The following SLC6A14 variants were observed in gnomAD, a reference collection of about 807,000 sequenced individuals.
The protein encoded by SLC6A14 is sodium- and chloride-dependent neutral and basic amino acid transporter B(0+).
In SLC6A14, 21 loss-of-function variants were observed where a neutral mutation model predicts 51.4. The observed-to-expected ratio is 0.41, with a 90% confidence interval of 0.29 to 0.59. SLC6A14 has a LOEUF of 0.59. Ranked by LOEUF, SLC6A14 falls within the 20% of genes least tolerant of loss-of-function variation. SLC6A14 has a pLI of 0.31. For synonymous variants in SLC6A14, 177 were observed against 160.7 expected, an observed-to-expected ratio of 1.10 and a Z score of -0.77; for missense variants, 371 against 472.8, an observed-to-expected ratio of 0.78 and a Z score of 2.00.
rs782152644 is a variant in SLC6A14 at position 116,459,190 on chromosome X, A to C, written c.*235A>C. On this transcript the variant is annotated 3_prime_UTR_variant, in exon 14 of 14. Coordinates refer to ENST00000598581, the MANE Select transcript of SLC6A14 (RefSeq NM_007231.5). ...CTATCTGTATAACACACACACACAC[A>C]CCTAAGAGTCTCTATTTCACAATTA... 22 of 253,928 alleles carry C rather than the reference A, an allele frequency of 8.7e-5. No individual in the cohort carries two copies. Among genetic ancestry groups the C allele is most frequent in the Middle Eastern group, 1.1e-3 (1 of 900 alleles). The allele number at this position is 253,928 out of a possible 1,213,427, so 20.9% of individuals were successfully genotyped here.
At chrX:116,441,503 A>G (rs1927597362) in intron 3 of SLC6A14, among the ~76,000 whole-genome samples, 1 of 112,371 alleles carries the variant, frequency 8.9e-6, no homozygotes, top group African/African-American at 3.2e-5. Flanking sequence ...TGCCTCATTC[A>G]GAAAAGCTGA....
chrX:116,452,793 A>G (rs1556694489), intron 8 of SLC6A14, among the ~76,000 whole-genome samples: 1 of 111,992 alleles, frequency 8.9e-6, no homozygotes. Flanking sequence ...TTTACATTAC[A>G]GTCTATTTGC....
intron 7 of SLC6A14, among the ~76,000 whole-genome samples, chrX:116,449,442 A>G (rs781923510): frequency 5.4e-5 from 6 of 111,709 alleles, no homozygotes; most frequent in Non-Finnish European, 9.4e-5. Flanking sequence ...AAGCTCAGAG[A>G]CCAACATGAG....
At chrX:116,446,050 T>C (rs2312057) in intron 6 of SLC6A14, among the ~76,000 whole-genome samples, 12,826 of 93,551 alleles carry the variant, frequency 0.14, 1,599 homozygotes, top group Non-Finnish European at 0.2. Context: ...TTAATTTTTA[T>C]TGGTCTCTGA....
chrX:116,453,213 G>T (rs1927857235), intron 9 of SLC6A14, 71 bp downstream of exon 9: 1 of 968,889 alleles, frequency 1.0e-6, no homozygotes, highest in Non-Finnish European at 1.4e-6. Context: ...TGAAAACAAG[G>T]TGCTTTTATT....
intron 10 of SLC6A14, 71 bp downstream of exon 10, chrX:116,454,513 C>A: frequency 1.5e-6 from 1 of 647,964 alleles, no homozygotes; most frequent in Non-Finnish European, 2.4e-6. Flanking sequence ...CTAAAGAAAC[C>A]AAAGCTTAAG....
chrX:116,446,653 C>A, intron 6 of SLC6A14, 88 bp from the exon 7 acceptor site: 1 of 698,458 alleles, frequency 1.4e-6, no homozygotes, highest in Non-Finnish European at 2.2e-6. Flanking sequence ...TTTAATTAAT[C>A]TCAACTGGCT....
At chrX:116,450,715 T>A (rs1386709683) in intron 7 of SLC6A14, among the ~76,000 whole-genome samples, 5 of 111,981 alleles carry the variant, frequency 4.5e-5, no homozygotes, top group Non-Finnish European at 7.5e-5. Flanking sequence ...GGTGGTCAGA[T>A]CACCTGAGGT....
At chrX:116,455,208 A>G in intron 11 of SLC6A14, 132 bp downstream of exon 11, 1 of 599,318 alleles carries the variant, frequency 1.7e-6, no homozygotes, top group Non-Finnish European at 2.7e-6. Context: ...ATACTGCACA[A>G]CATTATGTTA....
chrX:116,443,875 T>C (rs1433343981), intron 5 of SLC6A14, 85 bp downstream of exon 5: 36 of 721,335 alleles, frequency 5.0e-5, no homozygotes, highest in African/African-American at 4.6e-4. Context: ...TCTCCTTCCT[T>C]AACTCACATA....
intron 2 of SLC6A14, 66 bp downstream of exon 2, chrX:116,438,021 T>G: frequency 1.1e-6 from 1 of 900,219 alleles, no homozygotes; most frequent in Non-Finnish European, 1.5e-6. Flanking sequence ...TGGTTCTGTA[T>G]GGCTTCTGAG....
At position 116,441,111 on chromosome X, in the gene SLC6A14, C is replaced by A; in HGVS notation, c.346+14C>A. 2 of 1,204,662 alleles carry A rather than the reference C, an allele frequency of 1.7e-6. No individual in the cohort carries two copies. Among genetic ancestry groups the A allele is most frequent in the Non-Finnish European group, 2.2e-6 (2 of 891,099 alleles). On this transcript the variant is annotated intron_variant, in intron 3 of 13. Coordinates refer to ENST00000598581, the MANE Select transcript of SLC6A14 (RefSeq NM_007231.5). Reference sequence around the variant, plus strand: ...CATTGTTTCAAGGTTGGTATTAAAGCGTTTTCTTGGTATTAAAGCATTTTC... The same window carrying A: ...CATTGTTTCAAGGTTGGTATTAAAGAGTTTTCTTGGTATTAAAGCATTTTC...
chrX:116,449,123 A>AT (rs1479797538), intron 7 of SLC6A14, among the ~76,000 whole-genome samples: 1 of 111,333 alleles, frequency 9.0e-6, no homozygotes, highest in Non-Finnish European at 1.9e-5. Context: ...TGCAGAGATT[A>AT]TTTTTCTAAC....
rs1458215794 is a variant in SLC6A14 at position 116,455,177 on chromosome X, A to G, written c.1504+101A>G. 21 of 626,268 alleles carry G rather than the reference A, an allele frequency of 3.4e-5. No individual in the cohort carries two copies. In the East Asian group the frequency reaches 7.2e-4, roughly 21 times the overall value. 51.6% of individuals were successfully genotyped at this position (626,268 alleles called of 1,213,427 possible). ...TAATTATACTATTAATTTTTATACT[A>G]TTATAATAGCAAAGTACAATATACT... On this transcript the variant is annotated intron_variant, in intron 11 of 13. Transcript: ENST00000598581.
intron 6 of SLC6A14, 106 bp from the exon 7 acceptor site, chrX:116,446,635 G>A: frequency 1.7e-6 from 1 of 600,436 alleles, no homozygotes; most frequent in Admixed American, 2.9e-5. Flanking sequence ...GAAATCCCCT[G>A]TACTTTATTT....
At chrX:116,441,142 C>A (rs1927588784) in intron 3 of SLC6A14, 45 bp downstream of exon 3, 1 of 1,175,646 alleles carries the variant, frequency 8.5e-7, no homozygotes, top group Non-Finnish European at 1.1e-6. Flanking sequence ...TTTTCTTCAC[C>A]ATGCTTTTTT....
At chrX:116,455,277 C>A in intron 11 of SLC6A14, 80 bp from the exon 12 acceptor site, 1 of 818,052 alleles carries the variant, frequency 1.2e-6, no homozygotes, top group Non-Finnish European at 1.8e-6. Context: ...AATGTTTAGA[C>A]ACAGAAAGAT....
intron 7 of SLC6A14, among the ~76,000 whole-genome samples, chrX:116,448,178 A>C (rs1165098776): frequency 1.5e-4 from 17 of 112,106 alleles, no homozygotes; most frequent in Admixed American, 3.8e-4. Flanking sequence ...ATTAGCTTTT[A>C]GTTGTGGAAA....
At position 116,454,974 on chromosome X, in the gene SLC6A14, T is replaced by C. The variant is rs145417189; in HGVS notation, c.1405-3T>C. The C allele has an allele frequency of 3.2e-3, 3,754 of 1,178,650 alleles. 79 individuals carry two copies. The African/African-American group carries it at 0.06, about 19-fold the overall frequency. ...TTAGAAGTAATTAACATTTTTTTGG[T>C]AGGCTGGAATTTACTGGGTTCATCT... On this transcript the variant is annotated splice_region_variant and splice_polypyrimidine_tract_variant and intron_variant, in intron 10 of 13. Transcript: ENST00000598581.
Sources: gnomAD v4.1 joint callset for allele counts (sites outside exome capture counted in the v4.1 genomes callset) on GRCh38, gnomAD v4.1.1 for gene constraint, MANE v1.5 for transcripts, NCBI Gene and HGNC (gene_info 2026-07-23, HGNC 2026-07-21) for gene names.